The following PAWR variants were observed in gnomAD, a reference collection of about 807,000 sequenced individuals.
The protein encoded by PAWR is PRKC apoptosis WT1 regulator protein.
PAWR carries 23 observed loss-of-function variants against 32.0 expected under a neutral mutation model. The ratio of observed to expected loss-of-function variants is 0.72; its 90% CI spans 0.52 to 1.02. The LOEUF (loss-of-function observed/expected upper bound fraction) is 1.02, where lower values mean the gene tolerates loss of function less well. Among genes scored for constraint, PAWR ranks in the 50% least tolerant of loss-of-function variants. PAWR has a pLI of 0.00. For missense variants in PAWR, 457 were observed against 437.7 expected (o/e 1.04, Z -0.39); for synonymous variants, 226 against 187.1 (o/e 1.21, Z -1.70).
intron 2 of PAWR, among the ~76,000 whole-genome samples, chr12:79,635,936 G>A (rs1463284583): frequency 6.6e-6 from 1 of 152,060 alleles, no homozygotes; most frequent in Non-Finnish European, 1.5e-5. Context: ...GTAGAGACTA[G>A]ACTGACTGGA....
At chr12:79,599,093 C>T (rs1183999060) in intron 4 of PAWR, among the ~76,000 whole-genome samples, 3 of 152,146 alleles carry the variant, frequency 2.0e-5, no homozygotes, top group Non-Finnish European at 4.4e-5. Flanking sequence ...AAGAATAAGG[C>T]CATCAGACAA....
chr12:79,660,640 G>A (rs1877303467), intron 2 of PAWR, among the ~76,000 whole-genome samples: 1 of 148,838 alleles, frequency 6.7e-6, no homozygotes, highest in Non-Finnish European at 1.5e-5. Context: ...CTGGAGTGCA[G>A]TGGCACAATC....
chr12:79,649,807 A>G (rs1408323476), intron 2 of PAWR, among the ~76,000 whole-genome samples: 4 of 152,032 alleles, frequency 2.6e-5, no homozygotes, highest in African/African-American at 9.7e-5. Flanking sequence ...AAATAAGGAA[A>G]TAGTTAAATC....
At chr12:79,649,603 CA>C (rs1876745850) in intron 2 of PAWR, among the ~76,000 whole-genome samples, 1 of 151,962 alleles carries the variant, frequency 6.6e-6, no homozygotes, top group Non-Finnish European at 1.5e-5. Context: ...CCCGGTGCAA[CA>C]TAGCAAAACA....
At chr12:79,670,447 A>G (rs1396178075) in intron 2 of PAWR, among the ~76,000 whole-genome samples, 2 of 148,472 alleles carry the variant, frequency 1.3e-5, no homozygotes, top group Non-Finnish European at 2.9e-5. Context: ...TCACTATTAT[A>G]CATCATTTTT....
intron 2 of PAWR, among the ~76,000 whole-genome samples, chr12:79,648,617 TAAA>T (rs1170404778): frequency 9.2e-5 from 10 of 108,314 alleles, no homozygotes; most frequent in African/African-American, 7.1e-5. Flanking sequence ...ACCCTGTCTC[TAAA>T]AAAAAAAAAA....
At chr12:79,659,089 A>G (rs548086705) in intron 2 of PAWR, among the ~76,000 whole-genome samples, 1 of 152,252 alleles carries the variant, frequency 6.6e-6, no homozygotes, top group East Asian at 1.9e-4. Context: ...CAAACTCAGG[A>G]GATCAACACC....
rs71091677 is a variant in PAWR, at chr12:79,632,312, CATATATATAT to C, written c.517-11115_517-11106del. The stretch of plus-strand genomic sequence containing the variant: ...AAATATATACATATATATATACATA[CATATATATAT>C]ATATATATATATATATATATATATA... On this transcript the variant is annotated intron_variant, in intron 2 of 6. Transcript: ENST00000328827. 60 of 11,600 alleles carry C rather than the reference CATATATATAT, an allele frequency of 5.2e-3. 1 individual carries two copies. The highest frequency in any genetic ancestry group is 0.022 in the East Asian group (5 of 232). The allele number at this position is 11,600 out of a possible 1,614,324, so 0.7% of individuals were successfully genotyped here. A position where few individuals can be genotyped will look rare whatever the true frequency, so the allele number is the denominator to read the frequency against.
chr12:79,604,339 T>G, intron 4 of PAWR: 1 of 1,006,298 alleles, frequency 9.9e-7, no homozygotes. Context: ...TTACTGGAAG[T>G]TTTCCCCCTC....
Position 79,621,121 on chromosome 12 carries a change from A to G in PAWR, c.603T>C (p.Asn201=), listed in dbSNP as rs1350468191. 1.9e-6 allele frequency: 3 copies of G among 1,610,104 alleles called. No individual in the cohort carries two copies. Among genetic ancestry groups the G allele is most frequent in the Non-Finnish European group, 2.5e-6 (3 of 1,177,282 alleles). ...DAITQQNTIQ[N]EAVNLLDPGS... is the part of the protein sequence containing the mutation. ...CTGGATCTAGTAAGTTTACAGCTTC[A>G]TTCTGAATAGTGTTCTGTTGTGTAA... Residue 201 remains asparagine (N), a synonymous_variant, in exon 3 of 7, where the codon AAT becomes AAC. Coordinates refer to ENST00000328827, the MANE Select transcript of PAWR (RefSeq NM_002583.4).
intron 2 of PAWR, among the ~76,000 whole-genome samples, chr12:79,665,688 T>C (rs1877568942): frequency 6.6e-6 from 1 of 152,188 alleles, no homozygotes; most frequent in Non-Finnish European, 1.5e-5. Context: ...ATACATCTCC[T>C]CTCTCCAGAC....
chr12:79,674,954 C>T (rs902944974), intron 2 of PAWR, among the ~76,000 whole-genome samples: 1 of 152,162 alleles, frequency 6.6e-6, no homozygotes, highest in Non-Finnish European at 1.5e-5. Context: ...CCAAACACTG[C>T]TGGTGAGAAT....
intron 2 of PAWR, among the ~76,000 whole-genome samples, chr12:79,626,301 C>T (rs1292716740): frequency 6.7e-6 from 1 of 149,630 alleles, no homozygotes; most frequent in Non-Finnish European, 1.5e-5. Context: ...GCTGTGTCGC[C>T]CAGGCTGGAG....
At position 79,652,896 on chromosome 12, in the gene PAWR, T is replaced by C. The variant is rs555557989; in HGVS notation, c.517-31689A>G. ...AAATAATATAGAACTTCAATTCAAT[T>C]AAAAATATAGTTTTCTACGTATTTA... is the stretch of plus-strand genomic sequence containing the variant. On this transcript the variant is annotated intron_variant, in intron 2 of 6. Coordinates refer to ENST00000328827, the MANE Select transcript of PAWR (RefSeq NM_002583.4). Among the ~76,000 whole-genome samples the C allele has an allele frequency of 5.3e-5, 8 of 152,364 alleles. 1 individual carries two copies. In the South Asian group the frequency reaches 1.7e-3, roughly 32 times the overall value.
intron 2 of PAWR, among the ~76,000 whole-genome samples, chr12:79,633,845 C>T (rs1011468365): frequency 7.2e-5 from 11 of 151,962 alleles, no homozygotes; most frequent in African/African-American, 2.7e-4. Flanking sequence ...ATGACATTGT[C>T]CTTCTGGTTT....
At chr12:79,653,595 T>C (rs189573311) in intron 2 of PAWR, among the ~76,000 whole-genome samples, 9 of 152,338 alleles carry the variant, frequency 5.9e-5, no homozygotes, top group African/African-American at 2.2e-4. Context: ...TTCTCCTGCC[T>C]CAGCCTCCCG....
intron 2 of PAWR, among the ~76,000 whole-genome samples, chr12:79,678,858 C>T (rs932466449): frequency 7.4e-6 from 1 of 134,474 alleles, no homozygotes; most frequent in Admixed American, 8.6e-5. Context: ...TTAATGGCTC[C>T]CTTTAGGGTA....
chr12:79,595,048 A>G (rs1286921719), intron 5 of PAWR, among the ~76,000 whole-genome samples: 5 of 152,184 alleles, frequency 3.3e-5, no homozygotes, highest in Non-Finnish European at 5.9e-5. Flanking sequence ...TATCACCACT[A>G]TAAGTTATGA....
intron 3 of PAWR, among the ~76,000 whole-genome samples, chr12:79,620,186 CA>C (rs1365889376): frequency 6.6e-6 from 1 of 151,982 alleles, no homozygotes; most frequent in African/African-American, 2.4e-5. Flanking sequence ...AAGATGACTT[CA>C]GAATAAAATT....
Sources: gnomAD v4.1 joint callset for allele counts (sites outside exome capture counted in the v4.1 genomes callset) on GRCh38, gnomAD v4.1.1 for gene constraint, MANE v1.5 for transcripts, NCBI Gene and HGNC (gene_info 2026-07-23, HGNC 2026-07-21) for gene names.